RAB38: variants seen among roughly 807,000 people sequenced by gnomAD.
RAB38 encodes the protein ras-related protein Rab-38.
RAB38 carries 15 observed loss-of-function variants against 18.4 expected under a neutral mutation model. That is an observed-to-expected ratio of 0.82 (90% confidence interval 0.55 to 1.26). The LOEUF is 1.26. RAB38 is among the 50% of genes most tolerant of loss of function. The pLI, the probability that RAB38 is intolerant of heterozygous loss-of-function variation, is 0.00. For missense variants in RAB38, 294 were observed against 267.4 expected (o/e 1.10, Z -0.69); for synonymous variants, 101 against 104.4 (o/e 0.97, Z 0.20).
chr11:87,930,961 A>G, the RAB38 span, among the ~76,000 whole-genome samples: 1 of 152,102 alleles, frequency 6.6e-6, no homozygotes, highest in Non-Finnish European at 1.5e-5. Flanking sequence ...TGTTTTGGTT[A>G]CTGTAGCCTT....
the RAB38 span, among the ~76,000 whole-genome samples, chr11:88,097,489 G>A: frequency 6.6e-6 from 1 of 151,734 alleles, no homozygotes; most frequent in Non-Finnish European, 1.5e-5. Context: ...ATAGAGAGTG[G>A]AACCCTCCCA....
the RAB38 span, among the ~76,000 whole-genome samples, chr11:87,977,629 TATTATATA>T: frequency 8.4e-6 from 1 of 118,756 alleles, no homozygotes; most frequent in African/African-American, 3.3e-5. Context: ...TGTAATTGTA[TATTATATA>T]ATTATATAAA....
chr11:87,915,393 A>G, the RAB38 span, among the ~76,000 whole-genome samples: 1 of 152,160 alleles, frequency 6.6e-6, no homozygotes. Context: ...ACCAAAACCA[A>G]GATGGCGACA....
At chr11:88,163,207 C>A (rs892917127) in intron 1 of RAB38, among the ~76,000 whole-genome samples, 2 of 152,110 alleles carry the variant, frequency 1.3e-5, no homozygotes, top group Non-Finnish European at 2.9e-5. Context: ...GTCTCCATAA[C>A]ACAGGTACCC....
the RAB38 span, among the ~76,000 whole-genome samples, chr11:88,082,876 T>C: frequency 1.3e-5 from 2 of 151,930 alleles, no homozygotes; most frequent in Non-Finnish European, 2.9e-5. Flanking sequence ...AACTTTTCTG[T>C]GCAAAAGCCT....
the RAB38 span, among the ~76,000 whole-genome samples, chr11:87,819,170 T>C: frequency 6.6e-6 from 1 of 152,182 alleles, no homozygotes; most frequent in Admixed American, 6.5e-5. Context: ...GTGTATCTAG[T>C]CTTTTAGGAC....
the RAB38 span, among the ~76,000 whole-genome samples, chr11:87,895,034 T>C: frequency 0.093 from 14,146 of 151,616 alleles, 956 homozygotes; most frequent in Admixed American, 0.23. Context: ...TACCCTCTGG[T>C]CCCATTTTGT....
chr11:88,149,038 G>A (rs1307089855), intron 2 of RAB38, among the ~76,000 whole-genome samples: 1 of 151,992 alleles, frequency 6.6e-6, no homozygotes, highest in African/African-American at 2.4e-5. Flanking sequence ...ACAATGAGAA[G>A]TATATTATCC....
chr11:88,123,784 G>A (rs765668116), intron 2 of RAB38, among the ~76,000 whole-genome samples: 3 of 152,160 alleles, frequency 2.0e-5, no homozygotes, highest in Non-Finnish European at 4.4e-5. Flanking sequence ...TGAGAATTAG[G>A]AATATTTTAC....
the RAB38 span, among the ~76,000 whole-genome samples, chr11:88,034,663 T>C: frequency 6.6e-6 from 1 of 152,280 alleles, no homozygotes; most frequent in Non-Finnish European, 1.5e-5. Context: ...GGAATGTCTC[T>C]ATTCATGCCT....
intron 2 of RAB38, among the ~76,000 whole-genome samples, chr11:88,130,542 T>C (rs1238827913): frequency 6.6e-6 from 1 of 152,210 alleles, no homozygotes; most frequent in Non-Finnish European, 1.5e-5. Context: ...ACTAACTTCA[T>C]TTTCTGCCAT....
chr11:87,961,886 G>A, the RAB38 span, among the ~76,000 whole-genome samples: 2 of 152,046 alleles, frequency 1.3e-5, no homozygotes, highest in African/African-American at 2.4e-5. Context: ...AAGACTTGAG[G>A]TTTACTAAAA....
the RAB38 span, among the ~76,000 whole-genome samples, chr11:88,064,757 T>C: frequency 6.6e-6 from 1 of 152,234 alleles, no homozygotes; most frequent in African/African-American, 2.4e-5. Flanking sequence ...TATTGACAGT[T>C]TGGGGAATTC....
chr11:87,820,208 T>TC, the RAB38 span, among the ~76,000 whole-genome samples: 1 of 152,144 alleles, frequency 6.6e-6, no homozygotes, highest in African/African-American at 2.4e-5. Context: ...ATTTCGGTTT[T>TC]CATGGACTGA....
At chr11:87,956,222 T>C in the RAB38 span, among the ~76,000 whole-genome samples, 98 of 152,284 alleles carry the variant, frequency 6.4e-4, 1 homozygote, top group African/African-American at 2.3e-3. Flanking sequence ...AGGACTATTA[T>C]GAAGAATAAA....
At chr11:87,952,396 A>G in the RAB38 span, among the ~76,000 whole-genome samples, 5 of 152,166 alleles carry the variant, frequency 3.3e-5, no homozygotes, top group African/African-American at 7.2e-5. Context: ...TTTTGGAGTC[A>G]TTTTTAGGAA....
downstream of RAB38, among the ~76,000 whole-genome samples, chr11:88,110,792 C>T (rs112712751): frequency 0.023 from 2,999 of 132,702 alleles, 104 homozygotes; most frequent in African/African-American, 0.078. Context: ...TCAGCCTGGG[C>T]AATACAGTGA....
the RAB38 span, among the ~76,000 whole-genome samples, chr11:87,856,801 T>G: frequency 1.3e-5 from 2 of 152,120 alleles, no homozygotes; most frequent in African/African-American, 2.4e-5. Flanking sequence ...AAGTATGTCA[T>G]GAAACCTAGA....
the RAB38 span, among the ~76,000 whole-genome samples, chr11:87,852,150 C>T: frequency 6.6e-6 from 1 of 151,976 alleles, no homozygotes; most frequent in Non-Finnish European, 1.5e-5. Flanking sequence ...AAGGATATTC[C>T]TTTCCTCTGG....
Sources: gnomAD v4.1 joint callset for allele counts (sites outside exome capture counted in the v4.1 genomes callset) on GRCh38, gnomAD v4.1.1 for gene constraint, MANE v1.5 for transcripts, NCBI Gene and HGNC (gene_info 2026-07-23, HGNC 2026-07-21) for gene names.